SLC9B1: variants seen among roughly 807,000 people sequenced by gnomAD.
The protein encoded by SLC9B1 is sodium/hydrogen exchanger 9B1.
Under a neutral mutation model 51.7 loss-of-function variants are expected in SLC9B1, and 32 were observed. The observed-to-expected ratio is 0.62, with a 90% CI of 0.47 to 0.83. The LOEUF is 0.83. SLC9B1 is among the 40% of genes least tolerant of loss of function. The pLI is 0.00. For synonymous variants in SLC9B1, 145 were observed against 212.7 expected (o/e 0.68, Z 2.77); for missense variants, 406 against 613.2 (o/e 0.66, Z 3.57).
chr4:102,943,210 C>T (rs529045149), intron 6 of SLC9B1, among the ~76,000 whole-genome samples: 1 of 149,470 alleles, frequency 6.7e-6, no homozygotes, highest in South Asian at 2.1e-4. Context: ...TAAAAAGGAA[C>T]ACTTTCACAC....
Position 102,945,208 on chromosome 4 carries a change from C to T in SLC9B1, c.638G>A (p.Trp213Ter). The part of the protein sequence containing the change: ...SHFIMKFPWQ[W>*]AFLLGFVLGA... ...AAGAAATTACCCTAATAGAAATGCC[C>T]ATTGCCAGGGAAATTTCATAATGAA... Residue 213 changes from tryptophan (W) to a stop codon, truncating the protein, a stop_gained, in exon 6 of 12, where the codon TGG (tryptophan) becomes TAG (stop). Coordinates refer to ENST00000296422, the MANE Select transcript of SLC9B1 (RefSeq NM_139173.4). LOFTEE classifies it high-confidence loss of function. The T allele has an allele frequency of 6.2e-7, 1 of 1,605,968 alleles. No homozygotes were observed. The highest frequency in any genetic ancestry group is 8.5e-7 in the Non-Finnish European group (1 of 1,174,934).
intron 6 of SLC9B1, among the ~76,000 whole-genome samples, chr4:102,932,814 G>A (rs999446069): frequency 3.3e-5 from 5 of 152,194 alleles, no homozygotes; most frequent in African/African-American, 9.7e-5. Context: ...TAATTATTTG[G>A]AGTACCACTG....
At chr4:102,911,286 G>A in intron 8 of SLC9B1, 145 bp downstream of exon 8, 1 of 595,044 alleles carries the variant, frequency 1.7e-6, no homozygotes, top group Non-Finnish European at 2.9e-6. Context: ...TCACTGCTGT[G>A]CTCAGTTTTA....
At chr4:103,016,331 G>GT (rs1741337628) in intron 1 of SLC9B1, among the ~76,000 whole-genome samples, 1 of 151,670 alleles carries the variant, frequency 6.6e-6, no homozygotes, top group Admixed American at 6.6e-5. Flanking sequence ...ATATGCTTAA[G>GT]TGTCCTTATC....
intron 11 of SLC9B1, 62 bp from the exon 12 acceptor site, chr4:102,901,394 T>C (rs1734787219): frequency 1.3e-6 from 2 of 1,582,960 alleles, no homozygotes. Context: ...ATATATAATG[T>C]AAATGGCTCT....
At chr4:102,951,429 T>A (rs1262884623) in intron 3 of SLC9B1, among the ~76,000 whole-genome samples, 1 of 152,084 alleles carries the variant, frequency 6.6e-6, no homozygotes, top group African/African-American at 2.4e-5. Flanking sequence ...CTGAAAACCT[T>A]AGCTAATAGA....
chr4:102,890,323 G>A (rs1050706627), intron 11 of SLC9B1: 1 of 152,166 alleles, frequency 6.6e-6, no homozygotes, highest in African/African-American at 2.4e-5. Context: ...TGATTCCATA[G>A]TCTTCCAATA....
At chr4:102,992,999 C>A (rs1309265445) in intron 1 of SLC9B1, among the ~76,000 whole-genome samples, 1 of 152,158 alleles carries the variant, frequency 6.6e-6, no homozygotes, top group African/African-American at 2.4e-5. Flanking sequence ...ATCCAGCTAC[C>A]TATACCTTGT....
intron 11 of SLC9B1, chr4:102,889,868 TGTAA>T (rs916684046): frequency 6.6e-6 from 1 of 152,200 alleles, no homozygotes; most frequent in African/African-American, 2.4e-5. Context: ...ATTGATGCAG[TGTAA>T]GTAACTTGTA....
chr4:103,010,033 G>C (rs1003707086), intron 1 of SLC9B1, among the ~76,000 whole-genome samples: 3 of 152,092 alleles, frequency 2.0e-5, no homozygotes, highest in Admixed American at 6.5e-5. Flanking sequence ...ATTCCTAATA[G>C]TATTTAGGAT....
At chr4:103,019,335 GAGTATTTGTAAAATA>G (rs545505005) in intron 1 of SLC9B1, among the ~76,000 whole-genome samples, 220 of 152,280 alleles carry the variant, frequency 1.4e-3, no homozygotes, top group African/African-American at 5.0e-3. Context: ...TCTTACTGGC[GAGTATTTGTAAAATA>G]AGAAAAACAG....
At chr4:102,925,573 G>C (rs1736119973) in intron 7 of SLC9B1, among the ~76,000 whole-genome samples, 1 of 151,406 alleles carries the variant, frequency 6.6e-6, no homozygotes, top group African/African-American at 2.4e-5. Context: ...CTATGACACT[G>C]TCCTATATAC....
intron 9 of SLC9B1, among the ~76,000 whole-genome samples, chr4:102,909,774 A>G (rs557266927): frequency 6.6e-6 from 1 of 152,280 alleles, no homozygotes; most frequent in South Asian, 2.1e-4. Context: ...TTTATTCTAT[A>G]TGTTTTATTC....
At chr4:102,973,515 C>A (rs1171930732) in intron 3 of SLC9B1, among the ~76,000 whole-genome samples, 1 of 152,012 alleles carries the variant, frequency 6.6e-6, no homozygotes, top group Non-Finnish European at 1.5e-5. Context: ...AGATTTTAAC[C>A]ACCGTATTAA....
In SLC9B1 at chr4:103,007,591, C is replaced by CTTTTTT. The variant is rs58447131; in HGVS notation, c.-2+12002_-2+12007dup. ...TGGGTAATTTACAATCTCTTGTCAT[C>CTTTTTT]TTTTTTTTTTTTTTTTTTTTTTCTG... On this transcript the variant is annotated intron_variant, in intron 1 of 11. Transcript: ENST00000296422. 2.5e-3 allele frequency among the ~76,000 whole-genome samples: 271 copies of CTTTTTT among 107,696 alleles called. 2 individuals are homozygous for CTTTTTT. Among genetic ancestry groups the CTTTTTT allele is most frequent in the African/African-American group, 9.9e-3 (253 of 25,566 alleles). 70.7% of individuals were successfully genotyped at this position (107,696 alleles called of 152,430 possible). A position where few individuals can be genotyped will look rare whatever the true frequency, so the allele number is the denominator to read the frequency against.
downstream of SLC9B1, among the ~76,000 whole-genome samples, chr4:102,896,322 C>A (rs1176775942): frequency 1.3e-5 from 2 of 152,172 alleles, no homozygotes; most frequent in Non-Finnish European, 2.9e-5. Context: ...ACGAGATCAT[C>A]CAGATAAAGC....
At chr4:103,008,040 T>C (rs965962402) in intron 1 of SLC9B1, among the ~76,000 whole-genome samples, 1 of 152,244 alleles carries the variant, frequency 6.6e-6, no homozygotes, top group Non-Finnish European at 1.5e-5. Context: ...TCCAGTGTCT[T>C]ACATATAAAT....
At chr4:102,928,173 T>C (rs1214688233) in intron 7 of SLC9B1, among the ~76,000 whole-genome samples, 1 of 152,164 alleles carries the variant, frequency 6.6e-6, no homozygotes, top group Non-Finnish European at 1.5e-5. Context: ...CATGTATACC[T>C]ATGTATCAAA....
chr4:102,978,412 C>T (rs1739188847), intron 3 of SLC9B1, among the ~76,000 whole-genome samples: 1 of 152,086 alleles, frequency 6.6e-6, no homozygotes, highest in African/African-American at 2.4e-5. Context: ...TTGCAATCTA[C>T]TCATCTGACA....
Sources: allele counts gnomAD v4.1 joint callset (sites outside exome capture counted in the v4.1 genomes callset), GRCh38; gene constraint gnomAD v4.1.1; transcripts MANE v1.5; gene names NCBI Gene and HGNC (gene_info 2026-07-23, HGNC 2026-07-21).